The following UNK variants were observed in gnomAD, a reference collection of about 807,000 sequenced individuals.
UNK encodes the protein RING finger protein unkempt homolog.
In UNK, 32 loss-of-function variants were observed where a neutral mutation model predicts 97.6. That is an observed-to-expected ratio of 0.33 (90% confidence interval 0.25 to 0.44). The LOEUF (loss-of-function observed/expected upper bound fraction) is 0.44. Ranked by LOEUF, UNK falls within the 20% of genes least tolerant of loss-of-function variation. UNK has a pLI of 1.00. For missense variants in UNK, 771 were observed against 1,098.4 expected, an observed-to-expected ratio of 0.70 and a Z score of 4.21; for synonymous variants, 441 against 461.2, an observed-to-expected ratio of 0.96 and a Z score of 0.56.
At chr17:75,802,424 A>T (rs1012468473) in intron 1 of UNK, among the ~76,000 whole-genome samples, 2 of 151,490 alleles carry the variant, frequency 1.3e-5, no homozygotes, top group African/African-American at 4.9e-5. Context: ...TTAGTTTTTT[A>T]AAAAAATGTT....
At chr17:75,803,855 A>G (rs920839210) in intron 1 of UNK, among the ~76,000 whole-genome samples, 1 of 152,226 alleles carries the variant, frequency 6.6e-6, no homozygotes, top group Non-Finnish European at 1.5e-5. Context: ...CCCAACCACT[A>G]TTGAATGCTG....
At chr17:75,810,759 C>A (rs926685107) in intron 2 of UNK, among the ~76,000 whole-genome samples, 2 of 151,924 alleles carry the variant, frequency 1.3e-5, no homozygotes, top group African/African-American at 2.4e-5. Context: ...GCCTCAGCCT[C>A]CCAAGTAGCT....
intron 1 of UNK, among the ~76,000 whole-genome samples, chr17:75,796,859 C>G (rs2061810475): frequency 6.6e-6 from 1 of 152,188 alleles, no homozygotes. Context: ...CTCATATGCT[C>G]TTACAATATT....
At chr17:75,812,376 T>G (rs1262132711) in intron 3 of UNK, 79 bp from the exon 4 acceptor site, 1 of 1,582,442 alleles carries the variant, frequency 6.3e-7, no homozygotes, top group African/African-American at 1.3e-5. Context: ...TACCTCAGAC[T>G]GCAGTGGAGG....
In UNK at chr17:75,819,316, C is replaced by T. The variant is rs2062044761; in HGVS notation, c.1547-368C>T. 1 of 327,210 alleles carries T rather than the reference C, an allele frequency of 3.1e-6. No individual in the cohort carries two copies. Among genetic ancestry groups the T allele is most frequent in the Non-Finnish European group, 5.7e-6 (1 of 174,964 alleles). The allele number at this position is 327,210 out of a possible 1,614,324, so 20.3% of individuals were successfully genotyped here. On this transcript the variant is annotated intron_variant, in intron 11 of 15. Transcript: ENST00000589666. The surrounding 1 kb of genome is among the most constrained non-coding windows in gnomAD (Gnocchi z 5.4). The stretch of plus-strand genomic sequence containing the variant: ...GGACATTTGTCAAGCACCTGCTATA[C>T]ACCAGCCACTGAGTGCCCAGAGACC...
Position 75,813,147 on chromosome 17 carries a change from G to A in UNK, c.692G>A (p.Gly231Asp), listed in dbSNP as rs2061985864. The A allele has an allele frequency of 1.3e-6, 2 of 1,591,160 alleles. No individual in the cohort carries two copies. The highest frequency in any genetic ancestry group is 1.7e-6 in the Non-Finnish European group (2 of 1,169,288). Residue 231 changes from glycine (G) to aspartate (D), a missense_variant, in exon 5 of 16, where the codon GGC (glycine) becomes GAC (aspartate). This residue lies in a region of UNK where 246 missense variants were observed against 440.7 expected (regional missense o/e 0.56). Coordinates refer to ENST00000589666, the MANE Select transcript of UNK (RefSeq NM_001080419.3). Reference sequence around the variant, plus strand: ...AAGCCCCCGCGGCTGTGCCGCCAAGGCTATGCCTGTCCCTACTACCACAAC... The same window carrying A: ...AAGCCCCCGCGGCTGTGCCGCCAAGACTATGCCTGTCCCTACTACCACAAC... ...CKKPPRLCRQGYACPYYHNSK... is the reference protein window; with the variant it reads ...CKKPPRLCRQDYACPYYHNSK...
chr17:75,814,018 G>A, intron 6 of UNK, 140 bp downstream of exon 6: 3 of 717,672 alleles, frequency 4.2e-6, no homozygotes, highest in Non-Finnish European at 6.7e-6. Flanking sequence ...CCCTGGCAGT[G>A]CCTAGAGGAT....
chr17:75,785,366 C>G (rs2061699528), intron 1 of UNK: 1 of 180,812 alleles, frequency 5.5e-6, no homozygotes, highest in African/African-American at 2.4e-5. Context: ...GGTCCAGCCC[C>G]AGAACCCACC....
chr17:75,819,541 G>A lies in UNK; in HGVS notation c.1547-143G>A. On this transcript the variant is annotated intron_variant, in intron 11 of 15. Coordinates refer to ENST00000589666, the MANE Select transcript of UNK (RefSeq NM_001080419.3). The surrounding 1 kb of genome is among the most constrained non-coding windows in gnomAD (Gnocchi z 5.4). Reference sequence around the variant, plus strand: ...TCAGGAGTCAGGATTGGCATAGGAAGCAGCTGAAGGAAGGGCACAGGGGCT... The same window carrying A: ...TCAGGAGTCAGGATTGGCATAGGAAACAGCTGAAGGAAGGGCACAGGGGCT... The A allele has an allele frequency of 1.4e-6, 1 of 711,398 alleles. No homozygotes were observed. The highest frequency in any genetic ancestry group is 2.4e-6 in the Non-Finnish European group (1 of 415,984). The allele number at this position is 711,398 out of a possible 1,614,324, so 44.1% of individuals were successfully genotyped here.
rs1303016392 is a variant in UNK, at chr17:75,812,164, C to T, written c.367C>T (p.Arg123Cys). The change falls in exon 3 of 16, where the codon CGT (arginine) becomes TGT (cysteine). Residue 123 changes from arginine to cysteine, a missense_variant. Physicochemically the swap from Arg to Cys is radical, Grantham distance 180 (BLOSUM62 -3). Coordinates refer to ENST00000589666, the MANE Select transcript of UNK (RefSeq NM_001080419.3). The stretch of plus-strand genomic sequence containing the variant: ...GGACACTGAGCGCAGGTACCACCTT[C>T]GTTACTACAAAACTGGAATCTGCAT... ...TGDTERRYHL[R>C]YYKTGICIHE... 1.9e-6 allele frequency: 3 copies of T among 1,613,976 alleles called. No individual in the cohort carries two copies. The highest frequency in any genetic ancestry group is 2.5e-6 in the Non-Finnish European group (3 of 1,179,898).
At chr17:75,802,962 T>C (rs1011492173) in intron 1 of UNK, among the ~76,000 whole-genome samples, 1 of 129,130 alleles carries the variant, frequency 7.7e-6, no homozygotes, top group Non-Finnish European at 1.6e-5. Context: ...TCGTCTCTAC[T>C]AAAAATACAA....
intron 2 of UNK, among the ~76,000 whole-genome samples, chr17:75,811,417 C>T (rs2061968041): frequency 6.6e-6 from 1 of 152,198 alleles, no homozygotes; most frequent in Non-Finnish European, 1.5e-5. Context: ...ACCTCTTTCT[C>T]ACGGAGGCCC....
At chr17:75,793,134 C>T (rs891296064) in intron 1 of UNK, among the ~76,000 whole-genome samples, 1 of 152,196 alleles carries the variant, frequency 6.6e-6, no homozygotes, top group Non-Finnish European at 1.5e-5. Flanking sequence ...TTGTCTCCAA[C>T]TTGATAGCCA....
In UNK at chr17:75,824,457, C is replaced by T; in HGVS notation, c.*40C>T. The T allele has an allele frequency of 7.3e-7, 1 of 1,362,568 alleles. No homozygotes were observed. Among genetic ancestry groups the T allele is most frequent in the Admixed American group, 3.4e-5 (1 of 29,208 alleles). 84.4% of individuals were successfully genotyped at this position (1,362,568 alleles called of 1,614,324 possible). A position where few individuals can be genotyped will look rare whatever the true frequency, so the allele number is the denominator to read the frequency against. ...CCCAGCCTGGCCCAGATCTTCTCAC[C>T]TAGGACTTTTTAAAGTATATATATA... On this transcript the variant is annotated 3_prime_UTR_variant, in exon 16 of 16. Coordinates refer to ENST00000589666, the MANE Select transcript of UNK (RefSeq NM_001080419.3). The surrounding 1 kb of genome is among the most constrained non-coding windows in gnomAD (Gnocchi z 4.9).
At chr17:75,796,353 GTGTCACCCAGGCT>G (rs2061805884) in intron 1 of UNK, among the ~76,000 whole-genome samples, 1 of 145,302 alleles carries the variant, frequency 6.9e-6, no homozygotes, top group African/African-American at 2.6e-5. Flanking sequence ...TGGTCTTACT[GTGTCACCCAGGCT>G]AGAGTGCAGT....
chr17:75,810,476 G>C (rs1028824469), intron 2 of UNK, among the ~76,000 whole-genome samples: 1 of 152,180 alleles, frequency 6.6e-6, no homozygotes, highest in Non-Finnish European at 1.5e-5. Context: ...GACAGACATA[G>C]GGAGGTGCCA....
rs1348381184 is a variant in UNK, at chr17:75,809,917, G to A, written c.262G>A (p.Val88Ile). 6.8e-6 allele frequency: 11 copies of A among 1,613,806 alleles called. No individual in the cohort carries two copies. Among genetic ancestry groups the A allele is most frequent in the East Asian group, 2.2e-5 (1 of 44,888 alleles). The change falls in exon 2 of 16, where the codon GTC becomes ATC. Residue 88 changes from valine to isoleucine, a missense_variant. Physicochemically the swap from Val to Ile is conservative, Grantham distance 29. Around this residue, in one of 5 missense-constraint regions of UNK, gnomAD observed 246 missense variants for 440.7 expected, o/e 0.56. Transcript: ENST00000589666. ...RDGTFNYSPD[V>I]YCTKYDEATG... ...CGGCACCTTCAATTACAGCCCTGAC[G>A]TCTACTGCACCAAGTACGACGAGGC...
Position 75,816,856 on chromosome 17 carries a change from G to T in UNK, c.1048G>T (p.Ala350Ser), listed in dbSNP as rs201667287. 6.2e-7 allele frequency: 1 copy of T among 1,607,274 alleles called. No individual in the cohort carries two copies. Among genetic ancestry groups the T allele is most frequent in the African/African-American group, 1.3e-5 (1 of 74,962 alleles). ...PGPVLYMPSA[A>S]GDSVPVSPSS... ...TCCTGTCCTGTACATGCCATCTGCC[G>T]CCGGAGACTCGGTGCCTGTGAGCCC... Residue 350 changes from alanine (A) to serine (S), a missense_variant, in exon 8 of 16, where the codon GCC becomes TCC. Ala to Ser is a moderately conservative substitution (Grantham distance 99). Around this residue, in one of 5 missense-constraint regions of UNK, gnomAD observed 192 missense variants for 202.4 expected, o/e 0.95. Transcript: ENST00000589666. This position sits in a 1 kb window ranked among gnomAD's most constrained non-coding sequence, Gnocchi z 4.0.
chr17:75,823,756 C>T (rs539194968), intron 15 of UNK, among the ~76,000 whole-genome samples: 4 of 152,288 alleles, frequency 2.6e-5, no homozygotes, highest in Admixed American at 6.5e-5. Flanking sequence ...CCCCTGAGGG[C>T]GGCCCTGACC....
Sources: gnomAD v4.1 joint callset for allele counts (sites outside exome capture counted in the v4.1 genomes callset) on GRCh38, gnomAD v4.1.1 for gene constraint, gnomAD v4.1.1 regional missense constraint, Gnocchi (gnomAD v3.1) non-coding constraint, MANE v1.5 for transcripts, NCBI Gene and HGNC (gene_info 2026-07-23, HGNC 2026-07-21) for gene names.